The following PLEKHG1 variants were observed in gnomAD, a reference collection of about 807,000 sequenced individuals.
PLEKHG1 encodes pleckstrin homology and RhoGEF domain containing G1, also known as pleckstrin homology domain-containing family G member 1.
PLEKHG1 carries 44 observed loss-of-function variants against 100.8 expected under a neutral mutation model. The observed-to-expected ratio is 0.44, with a 90% CI of 0.34 to 0.56. The LOEUF (loss-of-function observed/expected upper bound fraction) is 0.56, where lower values mean the gene tolerates loss of function less well. PLEKHG1 is among the 20% of genes least tolerant of loss of function. The pLI, the probability that PLEKHG1 is intolerant of heterozygous loss-of-function variation, is 0.01. For missense variants in PLEKHG1, 1,545 were observed against 1,720.9 expected (o/e 0.90, Z 1.81); for synonymous variants, 640 against 662.5 (o/e 0.97, Z 0.52).
intron 1 of PLEKHG1, among the ~76,000 whole-genome samples, chr6:150,613,310 A>G (rs557805711): frequency 1.3e-5 from 2 of 152,278 alleles, no homozygotes; most frequent in Admixed American, 6.5e-5. Flanking sequence ...TGCAAGTCAG[A>G]TCCTTCTTAC....
intron 3 of PLEKHG1, among the ~76,000 whole-genome samples, chr6:150,689,265 C>T (rs900992631): frequency 1.3e-5 from 2 of 152,162 alleles, no homozygotes; most frequent in South Asian, 2.1e-4. Flanking sequence ...CCTTTTATTT[C>T]ATTCTCTCTC....
intron 3 of PLEKHG1, among the ~76,000 whole-genome samples, chr6:150,715,198 AAG>A (rs1781379123): frequency 1.3e-5 from 2 of 152,216 alleles, no homozygotes; most frequent in African/African-American, 2.4e-5. Context: ...TTTTTAAAAA[AAG>A]AAGTTAGCTT....
At chr6:150,719,178 A>G (rs1482535513), upstream of PLEKHG1, among the ~76,000 whole-genome samples, 1 of 152,144 alleles carries the variant, frequency 6.6e-6, no homozygotes, top group African/African-American at 2.4e-5. Context: ...CTGGTGGGTA[A>G]GCTTAGCAAA....
chr6:150,715,363 G>C (rs1781385185), intron 3 of PLEKHG1, among the ~76,000 whole-genome samples: 3 of 152,102 alleles, frequency 2.0e-5, no homozygotes, highest in African/African-American at 7.2e-5. Context: ...GCAGAATGGT[G>C]TTAGTACGTT....
chr6:150,760,095 T>C (rs1057154012), intron 2 of PLEKHG1, among the ~76,000 whole-genome samples: 62 of 152,334 alleles, frequency 4.1e-4, no homozygotes, highest in African/African-American at 1.3e-3. Context: ...CTGATTTTTT[T>C]CCCCATATTA....
chr6:150,665,871 G>C (rs1050506120), intron 3 of PLEKHG1, among the ~76,000 whole-genome samples: 1 of 152,024 alleles, frequency 6.6e-6, no homozygotes, highest in Non-Finnish European at 1.5e-5. Context: ...GCCCACAGGA[G>C]CTCAGTCATA....
At chr6:150,689,682 G>A (rs1327347345) in intron 3 of PLEKHG1, among the ~76,000 whole-genome samples, 1 of 151,904 alleles carries the variant, frequency 6.6e-6, no homozygotes, top group Non-Finnish European at 1.5e-5. Context: ...GACCAACATG[G>A]TGGTCTCTAC....
chr6:150,774,934 T>C (rs1583101969), intron 3 of PLEKHG1, among the ~76,000 whole-genome samples: 1 of 152,304 alleles, frequency 6.6e-6, no homozygotes, highest in East Asian at 1.9e-4. Context: ...ATAATTTCTT[T>C]CCTTGTCCTG....
In PLEKHG1 at chr6:150,831,937, C is replaced by T; in HGVS notation, c.2826C>T (p.Leu942=). The change falls in exon 15 of 16, where the codon CTC becomes CTT. Residue 942 remains leucine (L), a synonymous_variant. Transcript: ENST00000358517. The surrounding 1 kb of genome is among the most constrained non-coding windows in gnomAD (Gnocchi z 4.1). ...TTTCTCTGGCTAGTGAAATGCCCCT[C>T]ATGGACAATCCCTACGACCTGGCCA... The T allele has an allele frequency of 6.2e-7, 1 of 1,614,008 alleles. No homozygotes were observed. Among genetic ancestry groups the T allele is most frequent in the Non-Finnish European group, 8.5e-7 (1 of 1,179,848 alleles).
At chr6:150,604,509 G>A (rs1776501666) in intron 1 of PLEKHG1, among the ~76,000 whole-genome samples, 1 of 152,214 alleles carries the variant, frequency 6.6e-6, no homozygotes, top group African/African-American at 2.4e-5. Context: ...CAGGCTGGAT[G>A]TAGCCTGCAG....
chr6:150,648,693 G>T (rs12198116), intron 2 of PLEKHG1, among the ~76,000 whole-genome samples: 21,016 of 151,932 alleles, frequency 0.14, 1,530 homozygotes, highest in South Asian at 0.21. Context: ...TATCAAATTG[G>T]GGAGCCTCAT....
intron 2 of PLEKHG1, among the ~76,000 whole-genome samples, chr6:150,752,190 AAAAAT>A (rs1339498477): frequency 1.2e-4 from 19 of 152,162 alleles, no homozygotes; most frequent in South Asian, 2.1e-4. Flanking sequence ...TGTCTCAAAA[AAAAAT>A]AAAATAAAAT....
chr6:150,630,359 G>A (rs1777694741), intron 1 of PLEKHG1, among the ~76,000 whole-genome samples: 3 of 152,242 alleles, frequency 2.0e-5, no homozygotes, highest in African/African-American at 7.2e-5. Flanking sequence ...GTCCAGCTGA[G>A]AGCTGATGGG....
intron 2 of PLEKHG1, among the ~76,000 whole-genome samples, chr6:150,742,811 G>A (rs1479885057): frequency 2.0e-5 from 3 of 152,024 alleles, no homozygotes; most frequent in Non-Finnish European, 4.4e-5. Flanking sequence ...TTCTTTCTTT[G>A]TCCTGTAACC....
Position 150,750,506 on chromosome 6 carries a change from G to C in PLEKHG1, c.411+16414G>C, listed in dbSNP as rs993799856. Among the ~76,000 whole-genome samples, 5 of 152,188 alleles carry C rather than the reference G, an allele frequency of 3.3e-5. No individual in the cohort carries two copies. In the East Asian group the frequency reaches 7.7e-4, roughly 24 times the overall value. ...TAATAAAGCAAACAAACTTTTAAAG[G>C]CGGCACACTCACGCCTGTAATCCCA... is the stretch of plus-strand genomic sequence containing the variant. On this transcript the variant is annotated intron_variant, in intron 2 of 15. Transcript: ENST00000358517.
At chr6:150,613,850 C>G (rs1204441561) in intron 1 of PLEKHG1, among the ~76,000 whole-genome samples, 4 of 152,206 alleles carry the variant, frequency 2.6e-5, no homozygotes, top group African/African-American at 9.6e-5. Context: ...CCGAAAACAT[C>G]AGGCCACTGG....
At chr6:150,730,116 A>G (rs936705713) in intron 1 of PLEKHG1, among the ~76,000 whole-genome samples, 3 of 152,152 alleles carry the variant, frequency 2.0e-5, no homozygotes, top group African/African-American at 7.2e-5. Context: ...TCATCAATGT[A>G]GTGCCAAGAG....
At chr6:150,707,668 G>GT (rs1419216734) in intron 3 of PLEKHG1, among the ~76,000 whole-genome samples, 2 of 152,016 alleles carry the variant, frequency 1.3e-5, no homozygotes, top group East Asian at 1.9e-4. Flanking sequence ...CCAAAAATCT[G>GT]TTTTTTTAAT....
rs559181533 is a variant in PLEKHG1 at position 150,798,571 on chromosome 6, A to G, written c.630-2148A>G. 3.3e-5 allele frequency among the ~76,000 whole-genome samples: 5 copies of G among 152,206 alleles called. No homozygotes were observed. In the East Asian group the frequency reaches 9.6e-4, roughly 29 times the overall value. ...CAAGCCTGGTGTATATTGGCAGGAA[A>G]TAGCAAACAATACCCTTGCCTTCAA... On this transcript the variant is annotated intron_variant, in intron 5 of 15. Transcript: ENST00000358517.
Sources: allele counts gnomAD v4.1 joint callset (sites outside exome capture counted in the v4.1 genomes callset), GRCh38; gene constraint gnomAD v4.1.1; non-coding constraint Gnocchi (gnomAD v3.1); transcripts MANE v1.5; gene names NCBI Gene and HGNC (gene_info 2026-07-23, HGNC 2026-07-21).